Variants in AP2A2 observed in about 807,000 individuals in gnomAD.
AP2A2 encodes the protein AP-2 complex subunit alpha-2.
A neutral mutation model predicts 104.2 loss-of-function variants in AP2A2; 32 were observed. The ratio of observed to expected loss-of-function variants is 0.31; its 90% CI spans 0.23 to 0.41. The LOEUF (loss-of-function observed/expected upper bound fraction) is 0.41, where lower values mean the gene tolerates loss of function less well. Ranked by LOEUF, AP2A2 falls within the 10% of genes least tolerant of loss-of-function variation. The probability of loss-of-function intolerance (pLI) is 1.00; values close to 1 mark genes in which losing one functional copy is unlikely to be tolerated. For missense variants in AP2A2, 912 were observed against 1,261.0 expected, an observed-to-expected ratio of 0.72 and a Z score of 4.19; for synonymous variants, 539 against 533.3, an observed-to-expected ratio of 1.01 and a Z score of -0.15.
intron 4 of AP2A2, among the ~76,000 whole-genome samples, chr11:975,577 C>T (rs1250307444): frequency 4.7e-5 from 7 of 149,146 alleles, no homozygotes; most frequent in Admixed American, 4.6e-4. Context: ...GAGCCGACGT[C>T]GGAGAGTAGC....
chr11:936,543 C>G (rs1853464587), intron 1 of AP2A2, among the ~76,000 whole-genome samples: 1 of 152,042 alleles, frequency 6.6e-6, no homozygotes. Context: ...ACAGCCACAC[C>G]TGGCTAATTT....
intron 16 of AP2A2, 23 bp downstream of exon 16, chr11:1,003,827 G>C: frequency 6.8e-7 from 1 of 1,476,544 alleles, no homozygotes. Context: ...ATTACTTAAT[G>C]AAACTGTCTC....
intron 8 of AP2A2, 34 bp from the exon 9 acceptor site, chr11:986,751 G>C (rs1235957647): frequency 1.9e-6 from 3 of 1,604,524 alleles, no homozygotes; most frequent in South Asian, 1.1e-5. Flanking sequence ...CACTTGCTGA[G>C]GAAACCCCAC....
rs1284073797 is a variant in AP2A2 at position 927,485 on chromosome 11, C to T, written c.67+1397C>T. ...CCACACTCTGTGGAAGGGTAGAGGA[C>T]CATCTAACCCTTCCTGTACTCTGTT... On this transcript the variant is annotated intron_variant, in intron 1 of 21. Coordinates refer to ENST00000448903, the MANE Select transcript of AP2A2 (RefSeq NM_012305.4). Among the ~76,000 whole-genome samples, 30 of 149,618 alleles carry T rather than the reference C, an allele frequency of 2.0e-4. 1 individual carries two copies. Among genetic ancestry groups the T allele is most frequent in the Non-Finnish European group, 1.2e-4 (8 of 67,656 alleles).
chr11:981,977 C>T (rs910560202), intron 6 of AP2A2, among the ~76,000 whole-genome samples: 5 of 152,278 alleles, frequency 3.3e-5, no homozygotes, highest in African/African-American at 1.2e-4. Flanking sequence ...GCAGGAGGCG[C>T]GGGCGCGGCA....
At chr11:947,848 C>G (rs747358807) in intron 1 of AP2A2, among the ~76,000 whole-genome samples, 2 of 152,118 alleles carry the variant, frequency 1.3e-5, no homozygotes, top group Non-Finnish European at 2.9e-5. Context: ...GTCCCAGTTA[C>G]TTGGGAGACT....
At chr11:956,057 G>C (rs974719939) in intron 1 of AP2A2, among the ~76,000 whole-genome samples, 2 of 152,202 alleles carry the variant, frequency 1.3e-5, no homozygotes, top group Admixed American at 6.5e-5. Flanking sequence ...AAGTGACTTA[G>C]GGCCAGGTGC....
chr11:935,794 C>T (rs147375828), intron 1 of AP2A2, among the ~76,000 whole-genome samples: 10,576 of 151,282 alleles, frequency 0.07, 480 homozygotes, highest in Middle Eastern at 0.11. Flanking sequence ...CGGAGTTTCA[C>T]CATCTTGGCC....
intron 2 of AP2A2, among the ~76,000 whole-genome samples, chr11:964,290 G>C (rs963198691): frequency 1.3e-4 from 20 of 152,242 alleles, no homozygotes; most frequent in African/African-American, 4.8e-4. Context: ...TACCCTGTTT[G>C]AGTGGGGCAT....
At position 926,048 on chromosome 11, in the gene AP2A2, G is replaced by A; in HGVS notation, c.27G>A (p.Gly9=). MPAVSKGD[G]MRGLAVFISD... ...TGCCGGCCGTGTCCAAGGGGGACGG[G>A]ATGCGGGGCCTGGCGGTCTTCATCT... is the stretch of plus-strand genomic sequence containing the variant. Residue 9 remains glycine (G), a synonymous_variant, in exon 1 of 22, where the codon GGG becomes GGA. Coordinates refer to ENST00000448903, the MANE Select transcript of AP2A2 (RefSeq NM_012305.4). 2.9e-6 allele frequency: 4 copies of A among 1,388,596 alleles called. No homozygotes were observed. Among genetic ancestry groups the A allele is most frequent in the South Asian group, 3.3e-5 (2 of 59,830 alleles). 86.0% of individuals were successfully genotyped at this position (1,388,596 alleles called of 1,614,324 possible).
At chr11:1,008,975 C>G in intron 18 of AP2A2, 125 bp from the exon 19 acceptor site, 1 of 742,492 alleles carries the variant, frequency 1.3e-6, no homozygotes. Flanking sequence ...GAAGGCTCGG[C>G]CCCCCGACCC....
chr11:935,067 T>TTG (rs931206485), intron 1 of AP2A2, among the ~76,000 whole-genome samples: 1 of 148,032 alleles, frequency 6.8e-6, no homozygotes, highest in Non-Finnish European at 1.5e-5. Flanking sequence ...CCATTTTTTT[T>TTG]TTTTTGAGAC....
chr11:954,968 A>G (rs917782693), intron 1 of AP2A2, among the ~76,000 whole-genome samples: 5 of 152,210 alleles, frequency 3.3e-5, no homozygotes, highest in African/African-American at 9.6e-5. Flanking sequence ...CTCATGTAGT[A>G]GTATTTCCTC....
intron 1 of AP2A2, among the ~76,000 whole-genome samples, chr11:940,147 TTTCGCCATG>T (rs1370740333): frequency 6.6e-6 from 1 of 151,800 alleles, no homozygotes; most frequent in African/African-American, 2.4e-5. Flanking sequence ...AGAGACGGGG[TTTCGCCATG>T]TTGGCCAGGC....
In AP2A2 at chr11:992,023, A is replaced by G. The variant is rs563590143; in HGVS notation, c.1270-480A>G. ...TGAGCCAGAGAGGGGAAGAAGGGGA[A>G]CCCCCAGGTGAGGCTCGCAGGAAAG... On this transcript the variant is annotated intron_variant, in intron 10 of 21. Transcript: ENST00000448903. This position sits in a 1 kb window ranked among gnomAD's most constrained non-coding sequence, Gnocchi z 6.4. Among the ~76,000 whole-genome samples the G allele has an allele frequency of 1.3e-5, 2 of 151,318 alleles. No homozygotes were observed. The highest frequency in any genetic ancestry group is 1.5e-5 in the Non-Finnish European group (1 of 67,812).
At chr11:1,008,373 C>G (rs746924371) in intron 18 of AP2A2, 4 of 541,920 alleles carry the variant, frequency 7.4e-6, no homozygotes, top group Non-Finnish European at 1.2e-5. Context: ...TGGGGCCTTG[C>G]TAGGATCTTT....
intron 16 of AP2A2, among the ~76,000 whole-genome samples, chr11:1,006,104 A>G (rs1020122609): frequency 6.6e-6 from 1 of 152,198 alleles, no homozygotes; most frequent in African/African-American, 2.4e-5. Context: ...GTGTGTTTGC[A>G]TGTTGCAGTC....
intron 1 of AP2A2, among the ~76,000 whole-genome samples, chr11:929,682 G>C (rs1853226576): frequency 6.6e-6 from 1 of 152,272 alleles, no homozygotes; most frequent in Non-Finnish European, 1.5e-5. Context: ...TGTGGTCCCA[G>C]TTACTCAGTG....
chr11:929,606 AAT>A (rs1853222490), intron 1 of AP2A2, among the ~76,000 whole-genome samples: 2 of 152,300 alleles, frequency 1.3e-5, no homozygotes, highest in African/African-American at 4.8e-5. Context: ...TAGCCTGGGC[AAT>A]ATAGTGAGAC....
Sources: allele counts gnomAD v4.1 joint callset (sites outside exome capture counted in the v4.1 genomes callset), GRCh38; gene constraint gnomAD v4.1.1; non-coding constraint Gnocchi (gnomAD v3.1); transcripts MANE v1.5; gene names NCBI Gene and HGNC (gene_info 2026-07-23, HGNC 2026-07-21).